PROM1: variants seen among roughly 807,000 people sequenced by gnomAD.
PROM1 encodes prominin-1.
Under a neutral mutation model 116.9 loss-of-function variants are expected in PROM1, and 105 were observed. That is an observed-to-expected ratio of 0.90 (90% CI 0.77 to 1.06). The LOEUF is 1.06. Ranked by LOEUF, PROM1 falls within the 50% of genes least tolerant of loss-of-function variation. PROM1 has a pLI of 0.00. For missense variants in PROM1, 1,122 were observed against 1,045.2 expected, an observed-to-expected ratio of 1.07 and a Z score of -1.01; for synonymous variants, 393 against 387.0, an observed-to-expected ratio of 1.02 and a Z score of -0.18.
At chr4:15,984,507 C>T (rs958340483) in intron 22 of PROM1, among the ~76,000 whole-genome samples, 152 bp from the exon 23 acceptor site, 7 of 152,180 alleles carry the variant, frequency 4.6e-5, no homozygotes, top group African/African-American at 1.7e-4. Flanking sequence ...CAGATGGATA[C>T]CAGCTAGTAC....
At chr4:15,994,557 G>A (rs1317368209) in intron 15 of PROM1, among the ~76,000 whole-genome samples, 1 of 152,172 alleles carries the variant, frequency 6.6e-6, no homozygotes, top group African/African-American at 2.4e-5. Flanking sequence ...GGTGAGGACA[G>A]AGATAGGGAG....
At chr4:16,026,282 A>C (rs1265891704) in intron 5 of PROM1, among the ~76,000 whole-genome samples, 1 of 152,180 alleles carries the variant, frequency 6.6e-6, no homozygotes, top group African/African-American at 2.4e-5. Context: ...TAATTTGACC[A>C]ATTGGCCTGT....
intron 13 of PROM1, among the ~76,000 whole-genome samples, chr4:16,004,597 T>G (rs1280466802): frequency 6.6e-6 from 1 of 152,208 alleles, no homozygotes; most frequent in Non-Finnish European, 1.5e-5. Flanking sequence ...AAATTGTTGT[T>G]AAATTTGTAA....
chr4:16,035,862 C>A (rs1045216389), intron 3 of PROM1, 101 bp from the exon 4 acceptor site: 21 of 1,083,678 alleles, frequency 1.9e-5, no homozygotes, highest in Middle Eastern at 2.0e-4. Context: ...CAAGAACATT[C>A]ATATCCCACA....
intron 13 of PROM1, among the ~76,000 whole-genome samples, 178 bp from the exon 14 acceptor site, chr4:16,000,797 C>A (rs914266600): frequency 1.3e-5 from 2 of 151,890 alleles, no homozygotes; most frequent in South Asian, 2.1e-4. Flanking sequence ...AGGGGCAGCT[C>A]CAGGACAGGC....
At chr4:16,068,457 T>A (rs1310373519) in intron 2 of PROM1, among the ~76,000 whole-genome samples, 1 of 152,202 alleles carries the variant, frequency 6.6e-6, no homozygotes, top group Non-Finnish European at 1.5e-5. Flanking sequence ...TAACCTGAAG[T>A]CACTTGATGT....
chr4:15,985,754 A>T lies in PROM1; in HGVS notation c.2280+6T>A. ...CCTTAACATTCATAAAAGATAAACT[A>T]CTTACAGAGAACTCGATCCACTGCA... On this transcript the variant is annotated splice_donor_region_variant and intron_variant, in intron 22 of 27. Transcript: ENST00000447510. 1 of 1,534,700 alleles carries T rather than the reference A, an allele frequency of 6.5e-7. No individual in the cohort carries two copies. Among genetic ancestry groups the T allele is most frequent in the Non-Finnish European group, 9.0e-7 (1 of 1,112,692 alleles).
intron 27 of PROM1, among the ~76,000 whole-genome samples, chr4:15,970,500 T>C (rs1714215880): frequency 6.6e-6 from 1 of 151,046 alleles, no homozygotes; most frequent in East Asian, 1.9e-4. Context: ...AAATCTTATC[T>C]TTTTAAGTAA....
At chr4:15,991,361 A>G in intron 17 of PROM1, 68 bp from the exon 18 acceptor site, 1 of 1,042,000 alleles carries the variant, frequency 9.6e-7, no homozygotes, top group Non-Finnish European at 1.4e-6. Flanking sequence ...AACATCTAGT[A>G]GGCAACAGAT....
chr4:16,025,140 C>CA, intron 6 of PROM1, 52 bp downstream of exon 6: 2 of 1,580,826 alleles, frequency 1.3e-6, no homozygotes, highest in South Asian at 1.1e-5. Context: ...ACAGGAACTC[C>CA]AAAAAACCAA....
chr4:16,001,688 G>T (rs1204490781), intron 13 of PROM1, among the ~76,000 whole-genome samples: 1 of 152,208 alleles, frequency 6.6e-6, no homozygotes, highest in Non-Finnish European at 1.5e-5. Flanking sequence ...GTGCAGTCAT[G>T]GGGGAGGAAA....
At chr4:16,027,999 T>G (rs1035637023) in intron 5 of PROM1, among the ~76,000 whole-genome samples, 1 of 152,190 alleles carries the variant, frequency 6.6e-6, no homozygotes, top group Non-Finnish European at 1.5e-5. Flanking sequence ...TAATTAAAAT[T>G]AAAGCATTGA....
At chr4:16,015,163 T>C (rs190696303) in intron 10 of PROM1, among the ~76,000 whole-genome samples, 161 of 151,140 alleles carry the variant, frequency 1.1e-3, no homozygotes, top group Non-Finnish European at 2.0e-3. Flanking sequence ...CTGGCCAACA[T>C]GGCAAAACCC....
intron 10 of PROM1, among the ~76,000 whole-genome samples, chr4:16,014,346 C>T (rs1214151215): frequency 6.6e-6 from 1 of 152,240 alleles, no homozygotes; most frequent in Non-Finnish European, 1.5e-5. Flanking sequence ...ATGCCTGACT[C>T]CTTGACATTC....
At position 15,992,274 on chromosome 4, in the gene PROM1, T is replaced by G; in HGVS notation, c.1885A>C (p.Met629Leu). Residue 629 changes from methionine (M) to leucine (L), a missense_variant, in exon 17 of 28, where the codon ATG (methionine) becomes CTG (leucine). Transcript: ENST00000447510. ...QDFAACGIDR[M>L]NYDSYLAQTG... ...TGAGCCAAGTAGCTGTCATAATTCA[T>G]TCTGTCTATTCCACAAGCAGCAAAA... 6.2e-7 allele frequency: 1 copy of G among 1,613,982 alleles called. No homozygotes were observed. The highest frequency in any genetic ancestry group is 8.5e-7 in the Non-Finnish European group (1 of 1,179,872).
chr4:16,075,063 T>C (rs1186710436), intron 2 of PROM1, among the ~76,000 whole-genome samples: 2 of 151,910 alleles, frequency 1.3e-5, no homozygotes, highest in Non-Finnish European at 2.9e-5. Context: ...TTCAGAAGAG[T>C]ATGGAAAACA....
rs1384942586 is a variant in PROM1 at position 16,006,533 on chromosome 4, C to T, written c.1454+5G>A. ...CCCACATGACAGAGAGGAGCAGACA[C>T]TCACACCATGAGGAAGACGCCTCCG... On this transcript the variant is annotated splice_donor_5th_base_variant and intron_variant, in intron 13 of 27. Transcript: ENST00000447510. 1 of 1,583,082 alleles carries T rather than the reference C, an allele frequency of 6.3e-7. No homozygotes were observed.
chr4:16,025,406 G>C (rs745631636), intron 5 of PROM1, 94 bp from the exon 6 acceptor site: 61 of 1,472,118 alleles, frequency 4.1e-5, no homozygotes, highest in Non-Finnish European at 5.7e-5. Flanking sequence ...TCAGGGAGGA[G>C]CCCGCAGAAG....
intron 14 of PROM1, among the ~76,000 whole-genome samples, chr4:15,999,611 G>C (rs1291198731): frequency 1.3e-5 from 2 of 152,154 alleles, no homozygotes; most frequent in Non-Finnish European, 2.9e-5. Context: ...ATCTTTGAAT[G>C]ATTCGACACT....
Sources: allele counts gnomAD v4.1 joint callset (sites outside exome capture counted in the v4.1 genomes callset), GRCh38; gene constraint gnomAD v4.1.1; transcripts MANE v1.5; gene names NCBI Gene and HGNC (gene_info 2026-07-23, HGNC 2026-07-21).